ARHGEF28: variants seen among roughly 807,000 people sequenced by gnomAD.
ARHGEF28 encodes 190 kDa guanine nucleotide exchange factor.
Under a neutral mutation model 206.6 loss-of-function variants are expected in ARHGEF28, and 152 were observed. The ratio of observed to expected loss-of-function variants is 0.74; its 90% CI spans 0.64 to 0.84. The LOEUF is 0.84. Among genes scored for constraint, ARHGEF28 ranks in the 40% least tolerant of loss-of-function variants. ARHGEF28 has a pLI of 0.00. For synonymous variants in ARHGEF28, 763 were observed against 776.4 expected (o/e 0.98, Z 0.29); for missense variants, 2,028 against 2,073.2 (o/e 0.98, Z 0.42).
intron 25 of ARHGEF28, 39 bp downstream of exon 25, chr5:73,886,143 A>G (rs775186964): frequency 1.3e-6 from 2 of 1,564,238 alleles, no homozygotes; most frequent in African/African-American, 1.4e-5. Flanking sequence ...CCCTTCATAC[A>G]CATTATTCAT....
intron 1 of ARHGEF28, among the ~76,000 whole-genome samples, chr5:73,680,100 G>T (rs1412079549): frequency 6.6e-6 from 1 of 152,054 alleles, no homozygotes; most frequent in East Asian, 1.9e-4. Context: ...ACCAGTGGTT[G>T]TACTTGAACA....
chr5:73,783,384 G>A (rs201532391), intron 7 of ARHGEF28, among the ~76,000 whole-genome samples: 778 of 74,384 alleles, frequency 0.01, 4 homozygotes, highest in African/African-American at 0.013. Context: ...GTGTGTGTGT[G>A]TATGTGTGTG....
chr5:73,932,158 GAAACTACTAAAGTTTGT>G (rs1158498113), intron 35 of ARHGEF28, among the ~76,000 whole-genome samples: 1 of 152,140 alleles, frequency 6.6e-6, no homozygotes, highest in African/African-American at 2.4e-5. Context: ...AAATAACAGA[GAAACTACTAAAGTTTGT>G]AAACTACTAA....
At chr5:73,713,034 A>C (rs1320722974) in intron 2 of ARHGEF28, among the ~76,000 whole-genome samples, 3 of 152,196 alleles carry the variant, frequency 2.0e-5, no homozygotes. Context: ...TTTCTCTTGC[A>C]GATGGGGTAA....
At position 73,873,263 on chromosome 5, in the gene ARHGEF28, G is replaced by A. The variant is rs556306886; in HGVS notation, c.2814+17G>A. 6.3e-6 allele frequency: 10 copies of A among 1,593,702 alleles called. No homozygotes were observed. In the African/African-American group the frequency reaches 1.2e-4, roughly 19 times the overall value. On this transcript the variant is annotated intron_variant, in intron 22 of 35. Transcript: ENST00000513042. The stretch of plus-strand genomic sequence containing the variant: ...GTACAACAGGTAAGAAGAGCTTAAA[G>A]TCCTTGACCTTTATGACGTAAGTGG...
At chr5:73,922,133 A>G (rs895007600) in intron 35 of ARHGEF28, among the ~76,000 whole-genome samples, 7 of 152,322 alleles carry the variant, frequency 4.6e-5, no homozygotes, top group African/African-American at 1.7e-4. Context: ...TGAAGTTTCC[A>G]TTTCTCAAAG....
At position 73,768,856 on chromosome 5, in the gene ARHGEF28, T is replaced by C. The variant is rs556934317; in HGVS notation, c.476-4999T>C. Among the ~76,000 whole-genome samples, 11 of 152,144 alleles carry C rather than the reference T, an allele frequency of 7.2e-5. No individual in the cohort carries two copies. In the South Asian group the frequency reaches 2.3e-3, roughly 32 times the overall value. ...TGAATTATAACTCCCACAATTCCCATGTATCATGGGAGGAACCTGGTAAGA... is the reference window on the plus strand; with the variant it reads ...TGAATTATAACTCCCACAATTCCCACGTATCATGGGAGGAACCTGGTAAGA... On this transcript the variant is annotated intron_variant, in intron 4 of 35. Coordinates refer to ENST00000513042, the MANE Select transcript of ARHGEF28 (RefSeq NM_001177693.2).
At position 73,846,393 on chromosome 5, in the gene ARHGEF28, A is replaced by G. The variant is rs370735825; in HGVS notation, c.1553A>G (p.Asp518Gly). The change falls in exon 12 of 36, where the codon GAC becomes GGC. Residue 518 changes from aspartate (D) to glycine (G), a missense_variant. Coordinates refer to ENST00000513042, the MANE Select transcript of ARHGEF28 (RefSeq NM_001177693.2). ...RTGIPSGDEL[D>G]SFETNTEPDF... is the part of the protein sequence containing the mutation. ...GGGATTCCTAGTGGGGATGAATTGG[A>G]CTCTTTTGAGACTAACACTGAACCG... is the stretch of plus-strand genomic sequence containing the variant. 4.9e-5 allele frequency: 79 copies of G among 1,613,608 alleles called. No individual in the cohort carries two copies. The highest frequency in any genetic ancestry group is 6.6e-5 in the Non-Finnish European group (78 of 1,179,832).
chr5:73,654,218 C>T (rs1475084020), intron 1 of ARHGEF28, among the ~76,000 whole-genome samples: 1 of 152,148 alleles, frequency 6.6e-6, no homozygotes, highest in African/African-American at 2.4e-5. Flanking sequence ...GTGCTATTCA[C>T]AATGGGGGAT....
rs752202389 is a variant in ARHGEF28 at position 73,773,944 on chromosome 5, G to T, written c.565G>T (p.Val189Phe). Residue 189 changes from valine (V) to phenylalanine (F), a missense_variant, in exon 5 of 36, where the codon GTC becomes TTC. By Grantham distance (50) the Val-to-Phe change is conservative. Around this residue, in one of 3 missense-constraint regions of ARHGEF28, gnomAD observed 1,002 missense variants for 1,015.3 expected, o/e 0.99. Coordinates refer to ENST00000513042, the MANE Select transcript of ARHGEF28 (RefSeq NM_001177693.2). ...SQFFLCLPGG[V>F]QALALPNEEG... ...GTTCTTCTTGTGTCTCCCGGGGGGA[G>T]TCCAGGCCTTGGCTTTACCCAACGA... 1 of 1,607,784 alleles carries T rather than the reference G, an allele frequency of 6.2e-7. No homozygotes were observed.
chr5:73,635,435 C>G (rs1193421306), intron 1 of ARHGEF28, among the ~76,000 whole-genome samples: 1 of 152,150 alleles, frequency 6.6e-6, no homozygotes, highest in East Asian at 1.9e-4. Context: ...TGGCTTTAGT[C>G]TTGAGCTCAT....
intron 7 of ARHGEF28, among the ~76,000 whole-genome samples, chr5:73,785,502 A>G (rs1217764721): frequency 1.3e-5 from 2 of 152,136 alleles, no homozygotes; most frequent in Non-Finnish European, 2.9e-5. Flanking sequence ...GAATTTTTCA[A>G]ACTGTTCACA....
intron 1 of ARHGEF28, among the ~76,000 whole-genome samples, chr5:73,640,594 T>C (rs1744015913): frequency 2.6e-5 from 4 of 152,222 alleles, no homozygotes; most frequent in Admixed American, 2.0e-4. Context: ...TAGCAAGTTT[T>C]GTCTAAAATA....
intron 17 of ARHGEF28, 98 bp from the exon 18 acceptor site, chr5:73,865,867 A>G: frequency 2.3e-6 from 2 of 876,096 alleles, no homozygotes; most frequent in South Asian, 1.7e-5. Flanking sequence ...AACAAAAATG[A>G]TATAGATAAG....
At chr5:73,750,728 T>TA (rs1751977698) in intron 3 of ARHGEF28, among the ~76,000 whole-genome samples, 1 of 152,164 alleles carries the variant, frequency 6.6e-6, no homozygotes, top group Non-Finnish European at 1.5e-5. Flanking sequence ...AAAATGTCAT[T>TA]ACCTACAGGA....
intron 24 of ARHGEF28, among the ~76,000 whole-genome samples, chr5:73,885,287 G>A (rs1289028394): frequency 6.6e-6 from 1 of 152,016 alleles, no homozygotes; most frequent in Non-Finnish European, 1.5e-5. Context: ...GAAGGCCTAA[G>A]TTAGTATATA....
chr5:73,891,951 A>G, intron 26 of ARHGEF28, 101 bp from the exon 27 acceptor site: 1 of 1,047,322 alleles, frequency 9.5e-7, no homozygotes, highest in Admixed American at 2.8e-5. Flanking sequence ...GGAAGTGGAG[A>G]AAGGTTTACC....
intron 22 of ARHGEF28, among the ~76,000 whole-genome samples, chr5:73,880,324 G>A (rs577973059): frequency 2.4e-3 from 364 of 152,288 alleles, no homozygotes; most frequent in Non-Finnish European, 3.7e-3. Context: ...TCCAGGTGCC[G>A]TCTGTCACCC....
intron 2 of ARHGEF28, among the ~76,000 whole-genome samples, chr5:73,746,093 C>G (rs1030135458): frequency 1.3e-5 from 2 of 152,054 alleles, no homozygotes; most frequent in African/African-American, 4.8e-5. Flanking sequence ...TTAACCAGCA[C>G]ATGTGATAAA....
Sources: allele counts gnomAD v4.1 joint callset (sites outside exome capture counted in the v4.1 genomes callset), GRCh38; gene constraint gnomAD v4.1.1; regional missense constraint gnomAD v4.1.1; transcripts MANE v1.5; gene names NCBI Gene and HGNC (gene_info 2026-07-23, HGNC 2026-07-21).